PRSS23: variants seen among roughly 807,000 people sequenced by gnomAD.
PRSS23 encodes serine protease 23.
In PRSS23, 25 loss-of-function variants were observed where a neutral mutation model predicts 34.7. The observed-to-expected ratio is 0.72, with a 90% CI of 0.53 to 1.01. The LOEUF (loss-of-function observed/expected upper bound fraction) is 1.01. PRSS23 is among the 50% of genes least tolerant of loss of function. PRSS23 has a pLI of 0.00. For missense variants in PRSS23, 445 were observed against 475.6 expected (o/e 0.94, Z 0.60); for synonymous variants, 176 against 186.6 (o/e 0.94, Z 0.46).
At chr11:86,894,123 C>T (rs1184263573) in intron 2 of PRSS23, among the ~76,000 whole-genome samples, 2 of 152,206 alleles carry the variant, frequency 1.3e-5, no homozygotes, top group Non-Finnish European at 2.9e-5. Flanking sequence ...AAGCAATTCT[C>T]CTGCCTCAGC....
intron 2 of PRSS23, among the ~76,000 whole-genome samples, chr11:86,856,642 T>A (rs1345703283): frequency 6.6e-6 from 1 of 152,194 alleles, no homozygotes; most frequent in Non-Finnish European, 1.5e-5. Flanking sequence ...ACCAAGGTAT[T>A]CCTCATCAAC....
At chr11:86,895,819 G>A (rs1383699956) in intron 2 of PRSS23, among the ~76,000 whole-genome samples, 1 of 152,142 alleles carries the variant, frequency 6.6e-6, no homozygotes, top group Non-Finnish European at 1.5e-5. Context: ...GCACTATTGT[G>A]TAGCCACAGC....
intron 2 of PRSS23, among the ~76,000 whole-genome samples, chr11:86,832,339 C>CAGTGGGTGTACTAATGCCAAA (rs1342550803): frequency 6.6e-6 from 1 of 151,968 alleles, no homozygotes; most frequent in Non-Finnish European, 1.5e-5. Flanking sequence ...GGAAATATGG[C>CAGTGGGTGTACTAATGCCAAA]TTCTAATATC....
chr11:86,865,729 G>A (rs1458147078), intron 2 of PRSS23, among the ~76,000 whole-genome samples: 1 of 152,214 alleles, frequency 6.6e-6, no homozygotes, highest in Admixed American at 6.5e-5. Flanking sequence ...AGTGCTGCCA[G>A]CTCAGGTCCC....
chr11:86,842,020 G>A (rs936857256), intron 2 of PRSS23, among the ~76,000 whole-genome samples: 5 of 152,190 alleles, frequency 3.3e-5, no homozygotes, highest in Non-Finnish European at 5.9e-5. Flanking sequence ...GAACATCAAT[G>A]AGAAAATCCT....
intron 2 of PRSS23, among the ~76,000 whole-genome samples, chr11:86,927,039 C>G (rs1390749652): frequency 6.6e-6 from 1 of 152,200 alleles, no homozygotes; most frequent in Non-Finnish European, 1.5e-5. Context: ...GTCACCCCCA[C>G]TTCCCAGATC....
At position 86,808,411 on chromosome 11, in the gene PRSS23, CAAGAGA is replaced by C. The variant is rs1948134373; in HGVS notation, c.771_776del (p.Arg258_Lys259del). The C allele has an allele frequency of 6.2e-7, 1 of 1,614,088 alleles. No individual in the cohort carries two copies. Among genetic ancestry groups the C allele is most frequent in the Non-Finnish European group, 8.5e-7 (1 of 1,180,062 alleles). The stretch of plus-strand genomic sequence containing the variant: ...CCCTCCTGGAACTCAAAAAGCCCCA[CAAGAGA>C]AAATTTATGAAGATTGGGGTGAGCC... On this transcript the variant is annotated inframe_deletion, in exon 2 of 2. Transcript: ENST00000280258.
At chr11:86,845,775 CT>C (rs1298459795) in intron 2 of PRSS23, among the ~76,000 whole-genome samples, 2 of 152,190 alleles carry the variant, frequency 1.3e-5, no homozygotes, top group African/African-American at 4.8e-5. Flanking sequence ...TCTCTTCCCC[CT>C]ACCCCAAAAC....
intron 2 of PRSS23, among the ~76,000 whole-genome samples, chr11:86,942,584 A>G (rs1181714517): frequency 1.3e-5 from 2 of 152,252 alleles, no homozygotes; most frequent in Non-Finnish European, 2.9e-5. Context: ...TGGAAAGCTG[A>G]TGAAAATCAG....
chr11:86,947,051 G>C (rs1949249256), intron 2 of PRSS23: 1 of 152,432 alleles, frequency 6.6e-6, no homozygotes, highest in Admixed American at 6.5e-5. Context: ...TAAAAATACA[G>C]AAGTAGCTGG....
At chr11:86,944,676 C>T (rs1949229000) in intron 2 of PRSS23, among the ~76,000 whole-genome samples, 2 of 152,164 alleles carry the variant, frequency 1.3e-5, no homozygotes, top group South Asian at 4.1e-4. Flanking sequence ...TCTTTAAGTG[C>T]AAGGAATTAA....
intron 2 of PRSS23, among the ~76,000 whole-genome samples, chr11:86,854,009 CT>C (rs988771178): frequency 4.0e-5 from 6 of 151,230 alleles, no homozygotes; most frequent in East Asian, 3.9e-4. Context: ...GCTATATCTT[CT>C]TTTTTTTTGA....
chr11:86,900,781 C>CTTTTTTTTTTT (rs60869425), intron 2 of PRSS23, among the ~76,000 whole-genome samples: 2 of 94,020 alleles, frequency 2.1e-5, no homozygotes, highest in African/African-American at 8.9e-5. Context: ...ATCTCTCTCT[C>CTTTTTTTTTTT]TTTTTTTTTT....
intron 2 of PRSS23, among the ~76,000 whole-genome samples, chr11:86,868,088 G>A (rs923787190): frequency 7.9e-5 from 12 of 152,124 alleles, no homozygotes; most frequent in Admixed American, 6.5e-4. Context: ...TGAAGCCTAG[G>A]GGACATGGGA....
chr11:86,894,691 G>A (rs545563246), intron 2 of PRSS23, among the ~76,000 whole-genome samples: 3 of 152,270 alleles, frequency 2.0e-5, no homozygotes, highest in South Asian at 2.1e-4. Flanking sequence ...TTTACCGGTC[G>A]TTGTCTTTAT....
At chr11:86,940,414 T>C (rs1283855533) in intron 2 of PRSS23, among the ~76,000 whole-genome samples, 2 of 152,196 alleles carry the variant, frequency 1.3e-5, no homozygotes, top group African/African-American at 4.8e-5. Context: ...CAATTTGTTG[T>C]GGCTTCTCTG....
chr11:86,812,526 G>A (rs984463307), downstream of PRSS23, among the ~76,000 whole-genome samples: 19 of 152,146 alleles, frequency 1.2e-4, no homozygotes, highest in Non-Finnish European at 2.6e-4. Flanking sequence ...GGTGGCTCAT[G>A]TCTGTAATCC....
chr11:86,851,755 G>A (rs911039951), intron 2 of PRSS23, among the ~76,000 whole-genome samples: 2 of 152,186 alleles, frequency 1.3e-5, no homozygotes, highest in Non-Finnish European at 2.9e-5. Context: ...CACTTAGGAA[G>A]CCCTCAGTAA....
At chr11:86,801,010 C>A (rs1229793685) in intron 1 of PRSS23, among the ~76,000 whole-genome samples, 1 of 152,108 alleles carries the variant, frequency 6.6e-6, no homozygotes, top group Non-Finnish European at 1.5e-5. Context: ...CATGCACCCC[C>A]CCAACACACC....
Sources: allele counts gnomAD v4.1 joint callset (sites outside exome capture counted in the v4.1 genomes callset), GRCh38; gene constraint gnomAD v4.1.1; transcripts MANE v1.5; gene names NCBI Gene and HGNC (gene_info 2026-07-23, HGNC 2026-07-21).